Variants in PRIM1 observed in about 807,000 individuals in gnomAD.
The protein encoded by PRIM1 is DNA primase subunit 1, also known as DNA primase small subunit.
Under a neutral mutation model 60.2 loss-of-function variants are expected in PRIM1, and 38 were observed. The observed-to-expected ratio is 0.63, with a 90% CI of 0.49 to 0.83. The LOEUF is 0.83. PRIM1 is among the 40% of genes least tolerant of loss of function. The pLI is 0.00. For missense variants in PRIM1, 388 were observed against 506.2 expected (o/e 0.77, Z 2.24); for synonymous variants, 158 against 160.2 (o/e 0.99, Z 0.10).
chr12:56,732,707 C>T (rs1426106202), intron 12 of PRIM1, among the ~76,000 whole-genome samples: 2 of 151,970 alleles, frequency 1.3e-5, no homozygotes, highest in African/African-American at 4.8e-5. Flanking sequence ...TAACTGGATG[C>T]TTTCCTGTCT....
chr12:56,734,751 ACT>A (rs1953811486), intron 11 of PRIM1, among the ~76,000 whole-genome samples: 1 of 141,856 alleles, frequency 7.0e-6, no homozygotes, highest in African/African-American at 2.7e-5. Flanking sequence ...GATATATGAT[ACT>A]CTCTTTCATA....
intron 11 of PRIM1, among the ~76,000 whole-genome samples, chr12:56,738,006 T>C (rs1953845660): frequency 6.6e-6 from 1 of 152,226 alleles, no homozygotes; most frequent in Admixed American, 6.5e-5. Flanking sequence ...ATTACAGGCG[T>C]GAGCCACTGC....
intron 4 of PRIM1, 90 bp from the exon 5 acceptor site, chr12:56,746,271 C>A: frequency 7.1e-7 from 1 of 1,408,526 alleles, no homozygotes; most frequent in East Asian, 2.5e-5. Context: ...CCTGTGCTCC[C>A]CATGTTCTTG....
intron 7 of PRIM1, 104 bp from the exon 8 acceptor site, chr12:56,741,941 G>T: frequency 9.3e-7 from 1 of 1,077,440 alleles, no homozygotes; most frequent in Non-Finnish European, 1.4e-6. Context: ...TCAGAAAGTA[G>T]TTATTAACAT....
intron 4 of PRIM1, among the ~76,000 whole-genome samples, chr12:56,746,578 C>T (rs1033945055): frequency 6.7e-6 from 1 of 150,348 alleles, no homozygotes; most frequent in African/African-American, 2.4e-5. Context: ...TTGCAGTGAG[C>T]CGACATTGTA....
At chr12:56,742,494 G>C (rs762749077) in intron 7 of PRIM1, among the ~76,000 whole-genome samples, 1 of 151,842 alleles carries the variant, frequency 6.6e-6, no homozygotes, top group African/African-American at 2.4e-5. Flanking sequence ...GTTTGAACCC[G>C]GGAGGCGGAG....
rs1953855458 is a variant in PRIM1, at chr12:56,739,310, T to G, written c.1036A>C (p.Thr346Pro). The G allele has an allele frequency of 1.3e-6, 2 of 1,576,930 alleles. No individual in the cohort carries two copies. Among genetic ancestry groups the G allele is most frequent in the Non-Finnish European group, 8.7e-7 (1 of 1,155,680 alleles). ...GAAACATACCTTATGGTCGGAACAGTAAATGGATCAAACTGGTCCACTTTC... is the reference window on the plus strand; with the variant it reads ...GAAACATACCTTATGGTCGGAACAGGAAATGGATCAAACTGGTCCACTTTC... Reference protein sequence around the residue: ...LQKVDQFDPFTVPTISFICRE... With the variant: ...LQKVDQFDPFPVPTISFICRE... Residue 346 changes from threonine (T) to proline (P), a missense_variant, in exon 10 of 13, where the codon ACT becomes CCT. By Grantham distance (38) the Thr-to-Pro change is conservative (BLOSUM62 -1). Around this residue, in one of 3 missense-constraint regions of PRIM1, gnomAD observed 211 missense variants for 277.9 expected, o/e 0.76. Coordinates refer to ENST00000338193, the MANE Select transcript of PRIM1 (RefSeq NM_000946.3).
rs752374166 is a variant in PRIM1 at position 56,746,081 on chromosome 12, T to C, written c.543A>G (p.Val181=). The C allele has an allele frequency of 5.6e-6, 9 of 1,613,008 alleles. No homozygotes were observed. The South Asian group carries it at 9.9e-5, about 18-fold the overall frequency. ...DESVRKLSSA[V]RSGIVEYLSL... is the part of the protein sequence containing the mutation. ...TCAAATACTCAACTATCCCAGAACG[T>C]ACTGCAGAAGACAGTTTTCTAACTG... is the stretch of plus-strand genomic sequence containing the variant. Residue 181 remains valine (V), a synonymous_variant, in exon 5 of 13, where the codon GTA becomes GTG. Coordinates refer to ENST00000338193, the MANE Select transcript of PRIM1 (RefSeq NM_000946.3).
chr12:56,750,181 G>A (rs1953936292), intron 2 of PRIM1, among the ~76,000 whole-genome samples: 1 of 152,166 alleles, frequency 6.6e-6, no homozygotes, highest in Admixed American at 6.5e-5. Context: ...TTCAGCAGAG[G>A]AATCACAGAT....
At chr12:56,748,145 A>G (rs529620814) in intron 2 of PRIM1, among the ~76,000 whole-genome samples, 1 of 152,338 alleles carries the variant, frequency 6.6e-6, no homozygotes, top group African/African-American at 2.4e-5. Context: ...TCCAGAGAGC[A>G]TAAAACAGAA....
At chr12:56,735,239 T>C (rs1953818391) in intron 11 of PRIM1, among the ~76,000 whole-genome samples, 1 of 151,776 alleles carries the variant, frequency 6.6e-6, no homozygotes, top group African/African-American at 2.4e-5. Flanking sequence ...GCTGGGACTA[T>C]AGGTGTGTGC....
chr12:56,744,337 C>G lies in PRIM1; in HGVS notation c.580-214G>C, dbSNP rs143341307. ...CTGAATCCCATCTCTATTAAAAATA[C>G]AAAAAATTAGCTGGGCATGGTGGCG... On this transcript the variant is annotated intron_variant, in intron 5 of 12. Transcript: ENST00000338193. Among the ~76,000 whole-genome samples the G allele has an allele frequency of 1.4e-3, 210 of 151,864 alleles. 2 individuals are homozygous for G. Among genetic ancestry groups the G allele is most frequent in the African/African-American group, 5.0e-3 (206 of 41,412 alleles).
chr12:56,750,515 CAAT>C (rs1307602450), intron 2 of PRIM1, among the ~76,000 whole-genome samples: 1 of 150,438 alleles, frequency 6.6e-6, no homozygotes, highest in Non-Finnish European at 1.5e-5. Context: ...TATTTGACCT[CAAT>C]AAAAATAAAC....
intron 12 of PRIM1, among the ~76,000 whole-genome samples, chr12:56,733,054 C>T (rs376784818): frequency 2.7e-5 from 4 of 150,650 alleles, no homozygotes; most frequent in South Asian, 4.2e-4. Context: ...GGGGTTTCAC[C>T]GTGTTGGCCA....
In PRIM1 at chr12:56,739,352, C is replaced by T; in HGVS notation, c.994G>A (p.Val332Met). The T allele has an allele frequency of 6.3e-7, 1 of 1,578,882 alleles. No homozygotes were observed. Among genetic ancestry groups the T allele is most frequent in the Non-Finnish European group, 8.6e-7 (1 of 1,156,760 alleles). The change falls in exon 10 of 13, where the codon GTG becomes ATG. Residue 332 changes from valine (V) to methionine (M), a missense_variant. Coordinates refer to ENST00000338193, the MANE Select transcript of PRIM1 (RefSeq NM_000946.3). ...TCCACTTTCTGCAAATCAATAGGCA[C>T]AGATATGCGACCTGTAAGACACAAA... ...SVHPKTGRIS[V>M]PIDLQKVDQF...
intron 11 of PRIM1, among the ~76,000 whole-genome samples, chr12:56,734,566 AT>A (rs751462193): frequency 2.0e-3 from 266 of 132,176 alleles, no homozygotes; most frequent in Non-Finnish European, 2.3e-3. Flanking sequence ...TGCCCAACCA[AT>A]TTTTTTTTTT....
Position 56,746,132 on chromosome 12 carries a change from AC to A in PRIM1, c.491del (p.Gly164ValfsTer22). ...ATTCATCACAGACCCAACAATGAAC[AC>A]CTCTCCTTCCAGAATATACCCAGAG... ...HRLWVYSGRRGVHCWVCDESV... is the reference protein window; with the variant it reads ...HRLWVYSGRRXVHCWVCDESV... On this transcript the variant is annotated frameshift_variant, in exon 5 of 13. Coordinates refer to ENST00000338193, the MANE Select transcript of PRIM1 (RefSeq NM_000946.3). LOFTEE classifies it high-confidence loss of function. 1 of 1,613,216 alleles carries A rather than the reference AC, an allele frequency of 6.2e-7. No individual in the cohort carries two copies. The highest frequency in any genetic ancestry group is 8.5e-7 in the Non-Finnish European group (1 of 1,179,458).
chr12:56,752,286 C>G lies in PRIM1; in HGVS notation c.13G>C (p.Asp5His). The G allele has an allele frequency of 6.3e-7, 1 of 1,581,366 alleles. No individual in the cohort carries two copies. The highest frequency in any genetic ancestry group is 1.2e-5 in the South Asian group (1 of 86,618). Residue 5 changes from aspartate (D) to histidine (H), a missense_variant, in exon 1 of 13, where the codon GAC becomes CAC. By Grantham distance (81) the Asp-to-His change is moderately conservative. Coordinates refer to ENST00000338193, the MANE Select transcript of PRIM1 (RefSeq NM_000946.3). ...AGCAGCTCGGGCAGCTCGGTGGGGT[C>G]AAACGTCTCCATTGAGCGCGGAACT... is the stretch of plus-strand genomic sequence containing the variant. METFDPTELPELLKL... is the reference protein window; with the variant it reads METFHPTELPELLKL...
At chr12:56,746,442 C>A (rs749078526) in intron 4 of PRIM1, 162 of 607,448 alleles carry the variant, frequency 2.7e-4, no homozygotes, top group Non-Finnish European at 4.5e-4. Flanking sequence ...ACCAGCCTGA[C>A]CAACATGGTG....
Sources: gnomAD v4.1 joint callset for allele counts (sites outside exome capture counted in the v4.1 genomes callset) on GRCh38, gnomAD v4.1.1 for gene constraint, gnomAD v4.1.1 regional missense constraint, MANE v1.5 for transcripts, NCBI Gene and HGNC (gene_info 2026-07-23, HGNC 2026-07-21) for gene names.